Variants in ADRA1A observed in about 807,000 individuals in gnomAD.
ADRA1A encodes the protein adrenoceptor alpha 1A.
In ADRA1A, 31 loss-of-function variants were observed where a neutral mutation model predicts 29.6. The observed-to-expected ratio is 1.05, with a 90% confidence interval of 0.79 to 1.41. The LOEUF is 1.41. ADRA1A is among the 40% of genes most tolerant of loss of function. The pLI is 0.00. For missense variants in ADRA1A, 619 were observed against 601.1 expected, an observed-to-expected ratio of 1.03 and a Z score of -0.31; for synonymous variants, 311 against 254.3, an observed-to-expected ratio of 1.22 and a Z score of -2.12.
chr8:26,786,573 T>C (rs1807404388), intron 2 of ADRA1A, among the ~76,000 whole-genome samples: 1 of 152,032 alleles, frequency 6.6e-6, no homozygotes, highest in South Asian at 2.1e-4. Flanking sequence ...ATCTATGGAA[T>C]ACTTCTCTGC....
In ADRA1A at chr8:26,860,782, G is replaced by A. The variant is rs1271934501; in HGVS notation, c.883+3305C>T. ...CTTCCCAATGCTCCCCTTGGGCACT[G>A]AATCCCGTTGCCTCTTTTGCCTATC... On this transcript the variant is annotated intron_variant, in intron 2 of 2. Transcript: ENST00000380573. The surrounding 1 kb of genome is among the most constrained non-coding windows in gnomAD (Gnocchi z 4.7). Among the ~76,000 whole-genome samples, 2 of 152,054 alleles carry A rather than the reference G, an allele frequency of 1.3e-5. No homozygotes were observed. The highest frequency in any genetic ancestry group is 2.9e-5 in the Non-Finnish European group (2 of 68,006).
In ADRA1A at chr8:26,865,765, C is replaced by T. The variant is rs888904352; in HGVS notation, c.-686-110G>A. On this transcript the variant is annotated intron_variant, in intron 1 of 2. Coordinates refer to ENST00000380573, the MANE Select transcript of ADRA1A (RefSeq NM_000680.4). The surrounding 1 kb of genome is among the most constrained non-coding windows in gnomAD (Gnocchi z 7.6). ...CCAGTTGGGAGCCGGGTTGGTTCTG[C>T]GGTCCAGAAGCTGCTTCGCCCGGCA... 7.3e-6 allele frequency: 7 copies of T among 962,212 alleles called. No individual in the cohort carries two copies. The highest frequency in any genetic ancestry group is 7.4e-6 in the Non-Finnish European group (6 of 809,016). 59.6% of individuals were successfully genotyped at this position (962,212 alleles called of 1,614,324 possible). A position where few individuals can be genotyped will look rare whatever the true frequency, so the allele number is the denominator to read the frequency against.
At chr8:26,754,222 T>C (rs1439343840), downstream of ADRA1A, among the ~76,000 whole-genome samples, 3 of 152,186 alleles carry the variant, frequency 2.0e-5, no homozygotes, top group Non-Finnish European at 2.9e-5. Context: ...CTGGGTGTCA[T>C]ATATATTCAT....
Position 26,865,717 on chromosome 8 carries a change from T to G in ADRA1A, c.-686-62A>C. On this transcript the variant is annotated intron_variant, in intron 1 of 2. Coordinates refer to ENST00000380573, the MANE Select transcript of ADRA1A (RefSeq NM_000680.4). This position sits in a 1 kb window ranked among gnomAD's most constrained non-coding sequence, Gnocchi z 7.6. ...GGCGCCCCAGGGAAAGAGGCTGTGC[T>G]GAGCTTGACGGGTTGGGGGACACCA... 1 of 985,574 alleles carries G rather than the reference T, an allele frequency of 1.0e-6. No homozygotes were observed. The highest frequency in any genetic ancestry group is 5.2e-4 in the Middle Eastern group (1 of 1,914). 61.1% of individuals were successfully genotyped at this position (985,574 alleles called of 1,614,324 possible). A position where few individuals can be genotyped will look rare whatever the true frequency, so the allele number is the denominator to read the frequency against.
In ADRA1A at chr8:26,831,278, G is replaced by A. The variant is rs1301898146; in HGVS notation, c.883+32809C>T. On this transcript the variant is annotated intron_variant, in intron 2 of 2. Transcript: ENST00000380573. This position sits in a 1 kb window ranked among gnomAD's most constrained non-coding sequence, Gnocchi z 5.2. ...GATTGAGTTATGAAATGCTTATTAT[G>A]GATGATTCTGTGTCACAAAAACAGC... Among the ~76,000 whole-genome samples the A allele has an allele frequency of 6.6e-6, 1 of 152,184 alleles. No individual in the cohort carries two copies. The highest frequency in any genetic ancestry group is 1.5e-5 in the Non-Finnish European group (1 of 68,040).
At chr8:26,851,458 G>C (rs1258616157) in intron 2 of ADRA1A, among the ~76,000 whole-genome samples, 1 of 152,130 alleles carries the variant, frequency 6.6e-6, no homozygotes, top group East Asian at 1.9e-4. Flanking sequence ...ATGATAAGTT[G>C]ACAAAAATCA....
At chr8:26,794,587 T>A (rs1235123240) in intron 2 of ADRA1A, among the ~76,000 whole-genome samples, 1 of 152,156 alleles carries the variant, frequency 6.6e-6, no homozygotes, top group East Asian at 1.9e-4. Flanking sequence ...ACACTAAAAT[T>A]TGAATTTCAT....
chr8:26,771,570 A>G (rs2130284937), intron 2 of ADRA1A, among the ~76,000 whole-genome samples: 1 of 152,366 alleles, frequency 6.6e-6, no homozygotes, highest in East Asian at 1.9e-4. Context: ...GGCATTTCGC[A>G]GCAGAAGAAC....
intron 2 of ADRA1A, among the ~76,000 whole-genome samples, chr8:26,819,373 C>A (rs1459658723): frequency 6.9e-6 from 1 of 145,664 alleles, no homozygotes; most frequent in Non-Finnish European, 1.5e-5. Flanking sequence ...ATAAAACTCA[C>A]TTTTACTCTA....
downstream of ADRA1A, among the ~76,000 whole-genome samples, chr8:26,756,195 C>T (rs1805157390): frequency 6.6e-6 from 1 of 152,218 alleles, no homozygotes; most frequent in South Asian, 2.1e-4. Context: ...AATTATCTAA[C>T]ATCTAATAGG....
chr8:26,770,057 C>T lies in ADRA1A; in HGVS notation c.*92G>A. On this transcript the variant is annotated 3_prime_UTR_variant, in exon 3 of 3. Transcript: ENST00000380573. ...CCAGCAGGTCCCCTCTTTGATTGGTCCTGTCTTGTCCTCCAAGAAGAGCTG... is the reference window on the plus strand; with the variant it reads ...CCAGCAGGTCCCCTCTTTGATTGGTTCTGTCTTGTCCTCCAAGAAGAGCTG... 2 of 1,507,158 alleles carry T rather than the reference C, an allele frequency of 1.3e-6. No homozygotes were observed. The highest frequency in any genetic ancestry group is 1.8e-6 in the Non-Finnish European group (2 of 1,130,436). The allele number at this position is 1,507,158 out of a possible 1,614,324, so 93.4% of individuals were successfully genotyped here. A position where few individuals can be genotyped will look rare whatever the true frequency, so the allele number is the denominator to read the frequency against.
chr8:26,807,507 A>T (rs749257971), intron 2 of ADRA1A, among the ~76,000 whole-genome samples: 61 of 152,186 alleles, frequency 4.0e-4, no homozygotes, highest in Non-Finnish European at 7.1e-4. Context: ...CTCAAAGATC[A>T]TGTTGCATTG....
intron 2 of ADRA1A, among the ~76,000 whole-genome samples, chr8:26,845,557 T>C (rs1428127668): frequency 6.6e-6 from 1 of 152,136 alleles, no homozygotes; most frequent in Non-Finnish European, 1.5e-5. Flanking sequence ...AGAAGTTCCA[T>C]ATGGCCGAGC....
chr8:26,819,355 A>G (rs1236922183), intron 2 of ADRA1A, among the ~76,000 whole-genome samples: 1 of 151,154 alleles, frequency 6.6e-6, no homozygotes, highest in Non-Finnish European at 1.5e-5. Context: ...TTAAAATCAT[A>G]TGAAAATATA....
At chr8:26,838,593 C>A (rs890633625) in intron 2 of ADRA1A, among the ~76,000 whole-genome samples, 1 of 152,218 alleles carries the variant, frequency 6.6e-6, no homozygotes, top group Non-Finnish European at 1.5e-5. Flanking sequence ...ACAAGATGAT[C>A]ACCTAAGCCA....
Position 26,770,423 on chromosome 8 carries a change from C to A in ADRA1A, c.1127G>T (p.Arg376Leu), listed in dbSNP as rs140512348. The change falls in exon 3 of 3, where the codon CGC (arginine) becomes CTC (leucine). Residue 376 changes from arginine (R) to leucine (L), a missense_variant. Transcript: ENST00000380573. ...AVEGQHKDMVRIPVGSRETFY... is the reference protein window; with the variant it reads ...AVEGQHKDMVLIPVGSRETFY... Reference sequence around the variant, plus strand: ...GGTCTCTCTTGATCCCACGGGGATGCGCACCATGTCCTTGTGTTGCCCTTC... The same window carrying A: ...GGTCTCTCTTGATCCCACGGGGATGAGCACCATGTCCTTGTGTTGCCCTTC... 9 of 1,614,088 alleles carry A rather than the reference C, an allele frequency of 5.6e-6. No individual in the cohort carries two copies. The highest frequency in any genetic ancestry group is 7.6e-6 in the Non-Finnish European group (9 of 1,180,034).
At chr8:26,765,964 G>T (rs79350905), downstream of ADRA1A, 1 of 752,782 alleles carries the variant, frequency 1.3e-6, no homozygotes, top group East Asian at 7.9e-5. Flanking sequence ...TTTTCACTTA[G>T]GAACAAGCGA....
At chr8:26,758,626 T>G (rs17055948) in intron 2 of ADRA1A, among the ~76,000 whole-genome samples, 3,736 of 152,310 alleles carry the variant, frequency 0.025, 73 homozygotes, top group Admixed American at 0.06. Flanking sequence ...AGATGGGAAC[T>G]GCAATGAAGC....
At chr8:26,807,554 A>G (rs1420822157) in intron 2 of ADRA1A, among the ~76,000 whole-genome samples, 1 of 150,908 alleles carries the variant, frequency 6.6e-6, no homozygotes, top group Non-Finnish European at 1.5e-5. Context: ...TAGACAGTGA[A>G]CCTTCAAAGT....
Sources: gnomAD v4.1 joint callset for allele counts (sites outside exome capture counted in the v4.1 genomes callset) on GRCh38, gnomAD v4.1.1 for gene constraint, Gnocchi (gnomAD v3.1) non-coding constraint, MANE v1.5 for transcripts, NCBI Gene and HGNC (gene_info 2026-07-23, HGNC 2026-07-21) for gene names.